The following MB21D2 variants were observed in gnomAD, a reference collection of about 807,000 sequenced individuals.
MB21D2 encodes the protein Mab-21 domain containing 2.
A neutral mutation model predicts 33.3 loss-of-function variants in MB21D2; 9 were observed. The observed-to-expected ratio is 0.27, with a 90% CI of 0.16 to 0.47. The LOEUF (loss-of-function observed/expected upper bound fraction) is 0.47, where lower values mean the gene tolerates loss of function less well. Among genes scored for constraint, MB21D2 ranks in the 20% least tolerant of loss-of-function variants. MB21D2 has a pLI of 0.99. For synonymous variants in MB21D2, 241 were observed against 236.3 expected (o/e 1.02, Z -0.18); for missense variants, 540 against 624.6 (o/e 0.86, Z 1.44).
chr3:192,873,430 C>G (rs78757920), intron 1 of MB21D2, among the ~76,000 whole-genome samples: 1,919 of 152,210 alleles, frequency 0.013, 39 homozygotes, highest in African/African-American at 0.044. Context: ...CGCAAGTAAC[C>G]AGTTGCAGGA....
intron 1 of MB21D2, among the ~76,000 whole-genome samples, chr3:192,894,342 G>A (rs936078704): frequency 6.6e-6 from 1 of 151,950 alleles, no homozygotes; most frequent in African/African-American, 2.4e-5. Context: ...TGTTGGACAG[G>A]CTGGTTTCAA....
intron 1 of MB21D2, among the ~76,000 whole-genome samples, chr3:192,834,498 C>G (rs994644490): frequency 3.3e-5 from 5 of 151,134 alleles, no homozygotes; most frequent in African/African-American, 1.2e-4. Flanking sequence ...CACTGCTTTT[C>G]TATCATGCCT....
chr3:192,905,625 C>T (rs761718034), intron 1 of MB21D2, among the ~76,000 whole-genome samples: 3 of 132,664 alleles, frequency 2.3e-5, no homozygotes, highest in African/African-American at 5.7e-5. Context: ...TGACAGAGCA[C>T]GCCCTGTCTC....
In MB21D2 at chr3:192,872,304, C is replaced by T. The variant is rs561105553; in HGVS notation, c.211+45326G>A. Among the ~76,000 whole-genome samples the T allele has an allele frequency of 4.1e-4, 63 of 152,214 alleles. 2 individuals are homozygous for T. The East Asian group carries it at 0.012, about 28-fold the overall frequency. ...CAAAAGTTGCAAAGCTGGCCGGGCG[C>T]GGGGGCTCACAACTGTAATCCCAGC... On this transcript the variant is annotated intron_variant, in intron 1 of 1. Transcript: ENST00000392452.
At chr3:192,850,237 G>T (rs1375219083) in intron 1 of MB21D2, among the ~76,000 whole-genome samples, 1 of 152,126 alleles carries the variant, frequency 6.6e-6, no homozygotes, top group Non-Finnish European at 1.5e-5. Flanking sequence ...ATTTTCTGGG[G>T]TTCCACTAAG....
At chr3:192,841,772 A>G (rs989773673) in intron 1 of MB21D2, among the ~76,000 whole-genome samples, 2 of 152,234 alleles carry the variant, frequency 1.3e-5, no homozygotes, top group African/African-American at 4.8e-5. Context: ...GGTAACTAAT[A>G]ATACATTAGG....
At chr3:192,900,261 G>A (rs1304553629) in intron 1 of MB21D2, among the ~76,000 whole-genome samples, 1 of 142,292 alleles carries the variant, frequency 7.0e-6, no homozygotes. Flanking sequence ...CTCCAGCCTG[G>A]GTGACAGAGC....
intron 1 of MB21D2, among the ~76,000 whole-genome samples, chr3:192,800,897 T>C (rs1193473267): frequency 6.6e-6 from 1 of 152,220 alleles, no homozygotes; most frequent in East Asian, 1.9e-4. Flanking sequence ...TTGCCAATGA[T>C]AAAGCTGAAA....
intron 1 of MB21D2, among the ~76,000 whole-genome samples, chr3:192,825,765 C>T (rs1004788548): frequency 2.0e-4 from 30 of 152,164 alleles, no homozygotes; most frequent in African/African-American, 7.0e-4. Context: ...CTCATTAGCA[C>T]CTCCAACAGA....
intron 1 of MB21D2, among the ~76,000 whole-genome samples, chr3:192,911,916 C>T (rs1714365966): frequency 6.6e-6 from 1 of 152,170 alleles, no homozygotes. Flanking sequence ...ATACAACTCT[C>T]GGGAACTTTC....
intron 1 of MB21D2, among the ~76,000 whole-genome samples, chr3:192,868,392 T>C (rs1218343339): frequency 1.3e-5 from 2 of 152,230 alleles, no homozygotes; most frequent in African/African-American, 2.4e-5. Context: ...CAGAGCCAAG[T>C]AACGGAAAGA....
At chr3:192,828,621 T>C (rs1358650468) in intron 1 of MB21D2, among the ~76,000 whole-genome samples, 306 of 20,448 alleles carry the variant, frequency 0.015, 38 homozygotes, top group Middle Eastern at 0.12. Flanking sequence ...TATATATATA[T>C]ATATATATAT....
chr3:192,876,870 G>C (rs1713440186), intron 1 of MB21D2, among the ~76,000 whole-genome samples: 1 of 152,120 alleles, frequency 6.6e-6, no homozygotes, highest in Admixed American at 6.5e-5. Context: ...CTCCAAAGTA[G>C]GTTGGATGCT....
At chr3:192,833,536 A>G (rs750054942) in intron 1 of MB21D2, among the ~76,000 whole-genome samples, 6 of 152,198 alleles carry the variant, frequency 3.9e-5, no homozygotes, top group Non-Finnish European at 8.8e-5. Context: ...TCCACAAACA[A>G]TAATTAAGTC....
At chr3:192,854,115 G>C (rs933298948) in intron 1 of MB21D2, among the ~76,000 whole-genome samples, 1 of 152,166 alleles carries the variant, frequency 6.6e-6, no homozygotes, top group Non-Finnish European at 1.5e-5. Flanking sequence ...ACCCTAAGTC[G>C]AAAGACAGAA....
At chr3:192,847,854 T>C (rs1364228078) in intron 1 of MB21D2, among the ~76,000 whole-genome samples, 1 of 152,124 alleles carries the variant, frequency 6.6e-6, no homozygotes, top group African/African-American at 2.4e-5. Context: ...GGGGTAAAAA[T>C]ATCCTAGATG....
chr3:192,906,352 C>T (rs1436365117), intron 1 of MB21D2, among the ~76,000 whole-genome samples: 1 of 152,214 alleles, frequency 6.6e-6, no homozygotes, highest in African/African-American at 2.4e-5. Flanking sequence ...AAGCAGCTCA[C>T]TAAATGCCAA....
chr3:192,856,967 T>C (rs1342584914), intron 1 of MB21D2, among the ~76,000 whole-genome samples: 2 of 152,148 alleles, frequency 1.3e-5, no homozygotes, highest in Admixed American at 6.5e-5. Context: ...AGGACATTAT[T>C]ATCACCCTAA....
Position 192,798,408 on chromosome 3 carries a change from C to G in MB21D2, c.1454G>C (p.Arg485Thr), listed in dbSNP as rs779950057. 1 of 1,613,592 alleles carries G rather than the reference C, an allele frequency of 6.2e-7. No individual in the cohort carries two copies. Among genetic ancestry groups the G allele is most frequent in the South Asian group, 1.1e-5 (1 of 90,978 alleles). The change falls in exon 2 of 2, where the codon AGA (arginine) becomes ACA (threonine). Residue 485 changes from arginine (R) to threonine (T), a missense_variant. Physicochemically the swap from Arg to Thr is moderately conservative, Grantham distance 71. Coordinates refer to ENST00000392452, the MANE Select transcript of MB21D2 (RefSeq NM_178496.4). This position sits in a 1 kb window ranked among gnomAD's most constrained non-coding sequence, Gnocchi z 4.8. Reference protein sequence around the residue: ...NPDDVTRPHFRIDDKFF With the variant: ...NPDDVTRPHFTIDDKFF ...CACTCAGAAAAATTTGTCATCAATT[C>G]TGAAATGGGGCCTTGTGACATCGTC...
Sources: allele counts gnomAD v4.1 joint callset (sites outside exome capture counted in the v4.1 genomes callset), GRCh38; gene constraint gnomAD v4.1.1; non-coding constraint Gnocchi (gnomAD v3.1); transcripts MANE v1.5; gene names NCBI Gene and HGNC (gene_info 2026-07-23, HGNC 2026-07-21).